Variants in DHX15 observed in about 807,000 individuals in gnomAD.
DHX15 encodes DEAH-box helicase 15, also known as ATP-dependent RNA helicase DHX15.
DHX15 carries 11 observed loss-of-function variants against 94.4 expected under a neutral mutation model. The observed-to-expected ratio is 0.12, with a 90% CI of 0.07 to 0.19. The LOEUF is 0.19. Among genes scored for constraint, DHX15 ranks in the 10% least tolerant of loss-of-function variants. The pLI is 1.00. For missense variants in DHX15, 304 were observed against 988.5 expected (o/e 0.31, Z 9.29); for synonymous variants, 338 against 329.9 (o/e 1.02, Z -0.27).
rs1285438672 is a variant in DHX15 at position 24,547,919 on chromosome 4, A to ATC, written c.1248+935_1248+936insGA. 8.9e-3 allele frequency among the ~76,000 whole-genome samples: 225 copies of ATC among 25,236 alleles called. 7 individuals carry two copies. Among genetic ancestry groups the ATC allele is most frequent in the African/African-American group, 0.038 (207 of 5,378 alleles). 16.6% of individuals were successfully genotyped at this position (25,236 alleles called of 152,430 possible). A position where few individuals can be genotyped will look rare whatever the true frequency, so the allele number is the denominator to read the frequency against. ...TATGTATGTGTATATATATATATAT[A>ATC]TATATATATATATATATATATATCT... On this transcript the variant is annotated intron_variant, in intron 6 of 13. Transcript: ENST00000336812.
chr4:24,584,000 G>A (rs2109015459), intron 1 of DHX15, among the ~76,000 whole-genome samples: 1 of 152,328 alleles, frequency 6.6e-6, no homozygotes, highest in Admixed American at 6.5e-5. Context: ...GAGGCCACGA[G>A]GTCCGCGGTT....
intron 3 of DHX15, among the ~76,000 whole-genome samples, chr4:24,566,817 G>A (rs1012000142): frequency 2.6e-5 from 4 of 152,246 alleles, no homozygotes; most frequent in East Asian, 1.9e-4. Context: ...CAGATGAGAT[G>A]AGACTCTATC....
At chr4:24,561,665 G>T (rs1721874911) in intron 3 of DHX15, among the ~76,000 whole-genome samples, 1 of 152,092 alleles carries the variant, frequency 6.6e-6, no homozygotes, top group South Asian at 2.1e-4. Context: ...GAAGCTAAAG[G>T]CCATCATCCT....
intron 6 of DHX15, among the ~76,000 whole-genome samples, chr4:24,546,449 T>A (rs991880902): frequency 2.0e-5 from 3 of 152,238 alleles, no homozygotes; most frequent in Admixed American, 6.5e-5. Context: ...AATAGCAATT[T>A]TAAGTCTCAG....
At chr4:24,528,486 A>C (rs1402701058) in intron 13 of DHX15, among the ~76,000 whole-genome samples, 1 of 152,200 alleles carries the variant, frequency 6.6e-6, no homozygotes. Flanking sequence ...ACTTGACTGA[A>C]ATCTTTTATA....
intron 2 of DHX15, 86 bp downstream of exon 2, chr4:24,576,157 A>G: frequency 9.3e-7 from 1 of 1,071,308 alleles, no homozygotes; most frequent in Non-Finnish European, 1.4e-6. Flanking sequence ...AGGACAGACA[A>G]GGGAAATGAC....
At chr4:24,578,911 T>C (rs1008108177) in intron 1 of DHX15, among the ~76,000 whole-genome samples, 1 of 152,088 alleles carries the variant, frequency 6.6e-6, no homozygotes, top group Non-Finnish European at 1.5e-5. Flanking sequence ...AATTAAGACA[T>C]GGTCAAGAGT....
At chr4:24,577,144 C>G (rs961866597) in intron 1 of DHX15, among the ~76,000 whole-genome samples, 11 of 152,194 alleles carry the variant, frequency 7.2e-5, no homozygotes, top group African/African-American at 2.7e-4. Context: ...ACAACTCCAC[C>G]TCACATCATT....
chr4:24,535,982 C>T (rs964584423), intron 11 of DHX15, among the ~76,000 whole-genome samples: 2 of 151,984 alleles, frequency 1.3e-5, no homozygotes, highest in Non-Finnish European at 2.9e-5. Context: ...ATTTTTGGCA[C>T]AGGGTGATGA....
Position 24,554,770 on chromosome 4 carries a change from A to G in DHX15, c.1035T>C (p.Cys345=). The G allele has an allele frequency of 2.5e-6, 4 of 1,613,802 alleles. No homozygotes were observed. The Admixed American group carries it at 6.7e-5, about 27-fold the overall frequency. The part of the protein sequence containing the change: ...AIRTVIQIHM[C]EEEEGDLLLF... ...GAAGAAGATCTCCCTCTTCCTCTTC[A>G]CACATATGAATCTGGATAACTGTTC... Residue 345 remains cysteine (C), a synonymous_variant, in exon 5 of 14, where the codon TGT becomes TGC. Coordinates refer to ENST00000336812, the MANE Select transcript of DHX15 (RefSeq NM_001358.3).
At chr4:24,534,370 G>A (rs941985734) in intron 11 of DHX15, among the ~76,000 whole-genome samples, 6 of 152,264 alleles carry the variant, frequency 3.9e-5, no homozygotes, top group Middle Eastern at 6.8e-3. Context: ...TAGCTTTTTT[G>A]TGTGGTTCTC....
rs549919794 is a variant in DHX15 at position 24,558,077 on chromosome 4, G to C, written c.702-1667C>G. On this transcript the variant is annotated intron_variant, in intron 3 of 13. Transcript: ENST00000336812. Reference sequence around the variant, plus strand: ...CCATTTCCCAGCCTCTTGATACTCAGTGCTCATTTCAACATGGAATCATAG... The same window carrying C: ...CCATTTCCCAGCCTCTTGATACTCACTGCTCATTTCAACATGGAATCATAG... 1.2e-4 allele frequency among the ~76,000 whole-genome samples: 18 copies of C among 151,754 alleles called. 1 individual carries two copies. Among genetic ancestry groups the C allele is most frequent in the African/African-American group, 4.4e-4 (18 of 41,334 alleles).
chr4:24,549,551 A>C (rs61793307), intron 5 of DHX15, among the ~76,000 whole-genome samples: 1 of 152,240 alleles, frequency 6.6e-6, no homozygotes, highest in African/African-American at 2.4e-5. Flanking sequence ...AGGCAGCTAC[A>C]AATTTTTTTC....
At chr4:24,551,176 G>A (rs572565696) in intron 5 of DHX15, among the ~76,000 whole-genome samples, 36 of 152,204 alleles carry the variant, frequency 2.4e-4, no homozygotes, top group East Asian at 5.8e-4. Context: ...GCAGCACTGC[G>A]GACAAATGTA....
chr4:24,529,854 G>A, intron 12 of DHX15, 84 bp from the exon 13 acceptor site: 3 of 1,373,094 alleles, frequency 2.2e-6, no homozygotes, highest in Non-Finnish European at 3.1e-6. Context: ...GGAAGAGGCA[G>A]GCCTCCCTTT....
chr4:24,538,704 C>CTA (rs1405131160), intron 10 of DHX15: 4 of 151,720 alleles, frequency 2.6e-5, no homozygotes, highest in Non-Finnish European at 5.9e-5. Context: ...TCCTGACAAA[C>CTA]TAAAGGTTTT....
intron 2 of DHX15, among the ~76,000 whole-genome samples, chr4:24,571,753 G>A (rs1404559996): frequency 1.3e-5 from 2 of 152,196 alleles, no homozygotes. Context: ...CAGTAAAACT[G>A]ATAAGGAATA....
At chr4:24,547,911 A>ATC (rs1721471557) in intron 6 of DHX15, among the ~76,000 whole-genome samples, 3 of 15,114 alleles carry the variant, frequency 2.0e-4, no homozygotes, top group African/African-American at 5.8e-4. Context: ...GTGTATATAT[A>ATC]TATATATATA....
rs1722381584 is a variant in DHX15 at position 24,580,310 on chromosome 4, G to C, written c.72-3632C>G. ...TAGTCCCAGCTACCTGGGAGGCTGA[G>C]ACGGGAAGATCACTTGAGCCCTGGA... On this transcript the variant is annotated intron_variant, in intron 1 of 13. Coordinates refer to ENST00000336812, the MANE Select transcript of DHX15 (RefSeq NM_001358.3). 2.0e-5 allele frequency among the ~76,000 whole-genome samples: 3 copies of C among 152,220 alleles called. No individual in the cohort carries two copies. The South Asian group carries it at 6.2e-4, about 32-fold the overall frequency.
Sources: gnomAD v4.1 joint callset for allele counts (sites outside exome capture counted in the v4.1 genomes callset) on GRCh38, gnomAD v4.1.1 for gene constraint, MANE v1.5 for transcripts, NCBI Gene and HGNC (gene_info 2026-07-23, HGNC 2026-07-21) for gene names.